RNGTT: variants seen among roughly 807,000 people sequenced by gnomAD.
RNGTT encodes the protein RNA guanylyltransferase and 5'-phosphatase, also known as mRNA-capping enzyme.
Under a neutral mutation model 79.3 loss-of-function variants are expected in RNGTT, and 33 were observed. The ratio of observed to expected loss-of-function variants is 0.42; its 90% CI spans 0.32 to 0.56. RNGTT has a LOEUF of 0.56. Ranked by LOEUF, RNGTT falls within the 20% of genes least tolerant of loss-of-function variation. RNGTT has a pLI of 0.17. For missense variants in RNGTT, 497 were observed against 739.1 expected, an observed-to-expected ratio of 0.67 and a Z score of 3.80; for synonymous variants, 222 against 235.9, an observed-to-expected ratio of 0.94 and a Z score of 0.54.
intron 14 of RNGTT, among the ~76,000 whole-genome samples, chr6:88,646,416 A>T (rs1216344616): frequency 6.6e-6 from 1 of 152,248 alleles, no homozygotes; most frequent in Non-Finnish European, 1.5e-5. Context: ...TAGTTCAACC[A>T]TTGTGGAAGT....
At chr6:88,694,174 G>A (rs1355544877) in intron 13 of RNGTT, among the ~76,000 whole-genome samples, 2 of 152,058 alleles carry the variant, frequency 1.3e-5, no homozygotes, top group African/African-American at 2.4e-5. Context: ...GATACTTGCT[G>A]ATCTTATATG....
At chr6:88,804,412 G>A (rs1419963244) in intron 11 of RNGTT, among the ~76,000 whole-genome samples, 1 of 152,156 alleles carries the variant, frequency 6.6e-6, no homozygotes, top group African/African-American at 2.4e-5. Context: ...GGGAGGCTGA[G>A]GCAGGGGACT....
chr6:88,882,029 C>T (rs1027710143), intron 8 of RNGTT, among the ~76,000 whole-genome samples: 1 of 152,166 alleles, frequency 6.6e-6, no homozygotes, highest in Non-Finnish European at 1.5e-5. Context: ...TACTCTCAGT[C>T]ACCATTGCTT....
At chr6:88,672,807 GT>G (rs1035587341) in intron 14 of RNGTT, among the ~76,000 whole-genome samples, 7 of 152,168 alleles carry the variant, frequency 4.6e-5, no homozygotes, top group African/African-American at 1.7e-4. Flanking sequence ...GAAGTCCCAA[GT>G]TTACACATAT....
chr6:88,665,823 A>G (rs1384020704), intron 14 of RNGTT, among the ~76,000 whole-genome samples: 2 of 152,182 alleles, frequency 1.3e-5, no homozygotes, highest in Non-Finnish European at 2.9e-5. Context: ...TCCTGCTGGG[A>G]CGCCCCATGG....
At chr6:88,855,964 G>A (rs1007183871) in intron 8 of RNGTT, among the ~76,000 whole-genome samples, 2 of 152,284 alleles carry the variant, frequency 1.3e-5, no homozygotes, top group East Asian at 3.9e-4. Flanking sequence ...TGCAAAAATG[G>A]CATGGAAGAC....
intron 14 of RNGTT, among the ~76,000 whole-genome samples, chr6:88,644,517 C>T (rs1487525929): frequency 6.6e-6 from 1 of 152,168 alleles, no homozygotes; most frequent in Non-Finnish European, 1.5e-5. Flanking sequence ...CCAGCATCAT[C>T]CTCATACCAA....
chr6:88,620,155 G>C (rs1772389786), intron 14 of RNGTT, among the ~76,000 whole-genome samples: 1 of 152,198 alleles, frequency 6.6e-6, no homozygotes, highest in Admixed American at 6.5e-5. Context: ...TCTTGCATTT[G>C]CTAGGTTAGA....
rs148585956 is a variant in RNGTT, at chr6:88,721,043, T to C, written c.1440-42624A>G. ...GAACCTCTTTCCCTCTTTGGAAGTT[T>C]CCATTCAATATAGGCATTTTATTGG... On this transcript the variant is annotated intron_variant, in intron 13 of 15. Coordinates refer to ENST00000369485, the MANE Select transcript of RNGTT (RefSeq NM_003800.5). 1.1e-3 allele frequency among the ~76,000 whole-genome samples: 172 copies of C among 152,272 alleles called. 1 individual carries two copies. The highest frequency in any genetic ancestry group is 4.0e-3 in the African/African-American group (167 of 41,588).
chr6:88,691,671 A>G (rs1488899162), intron 13 of RNGTT, among the ~76,000 whole-genome samples: 2 of 152,200 alleles, frequency 1.3e-5, no homozygotes, highest in South Asian at 4.1e-4. Context: ...GTAGTTATTA[A>G]ATGGGTGTTA....
At chr6:88,647,701 T>TAAAAAAAAAAAAAAAAAAA (rs746472579) in intron 14 of RNGTT, among the ~76,000 whole-genome samples, 33 of 100,836 alleles carry the variant, frequency 3.3e-4, no homozygotes, top group South Asian at 2.5e-3. Flanking sequence ...GACACCCTGT[T>TAAAAAAAAAAAAAAAAAAA]AAAAAAAAAA....
chr6:88,678,356 G>A lies in RNGTT; in HGVS notation c.1503C>T (p.Ile501=). The A allele has an allele frequency of 6.3e-7, 1 of 1,578,774 alleles. No homozygotes were observed. Among genetic ancestry groups the A allele is most frequent in the Middle Eastern group, 1.7e-4 (1 of 5,898 alleles). Residue 501 remains isoleucine (I), a synonymous_variant, in exon 14 of 16, where the codon ATC becomes ATT. Coordinates refer to ENST00000369485, the MANE Select transcript of RNGTT (RefSeq NM_003800.5). The stretch of plus-strand genomic sequence containing the variant: ...CACTGAAAATGAACAAACATACCTT[G>A]ATTTGTGCAAAGGGTCTTTCATAAC... The part of the protein sequence containing the change: ...VGGYERPFAQ[I]KVTKELKQYD...
intron 11 of RNGTT, among the ~76,000 whole-genome samples, chr6:88,840,954 G>A (rs1052098223): frequency 1.3e-5 from 2 of 152,130 alleles, no homozygotes; most frequent in Non-Finnish European, 2.9e-5. Flanking sequence ...AATTATGACA[G>A]CACAACCTGT....
chr6:88,865,619 G>T (rs1186354568), intron 8 of RNGTT, among the ~76,000 whole-genome samples: 1 of 152,204 alleles, frequency 6.6e-6, no homozygotes, highest in African/African-American at 2.4e-5. Flanking sequence ...TATAACCAAA[G>T]TAAATTTTGT....
At chr6:88,639,527 C>T (rs1393128669) in intron 14 of RNGTT, among the ~76,000 whole-genome samples, 1 of 152,144 alleles carries the variant, frequency 6.6e-6, no homozygotes, top group Non-Finnish European at 1.5e-5. Flanking sequence ...ACAAATCATA[C>T]ACCACTCCCA....
chr6:88,948,194 C>G (rs1582166505), intron 1 of RNGTT, among the ~76,000 whole-genome samples: 1 of 29,282 alleles, frequency 3.4e-5, no homozygotes, highest in Non-Finnish European at 7.0e-5. Flanking sequence ...GGGGTCAGCC[C>G]CCCCGCCCGG....
chr6:88,827,658 G>C (rs1038258883), intron 11 of RNGTT, among the ~76,000 whole-genome samples: 5 of 152,160 alleles, frequency 3.3e-5, no homozygotes, highest in Admixed American at 2.6e-4. Context: ...ATTCTCACTG[G>C]CAGTACAGCA....
intron 11 of RNGTT, among the ~76,000 whole-genome samples, chr6:88,807,806 A>C (rs1271817287): frequency 6.6e-6 from 1 of 152,156 alleles, no homozygotes; most frequent in Non-Finnish European, 1.5e-5. Flanking sequence ...CCCAGCAAGA[A>C]GGGGGAAAAG....
chr6:88,951,000 A>C (rs1472226537), intron 1 of RNGTT, among the ~76,000 whole-genome samples: 5 of 151,930 alleles, frequency 3.3e-5, no homozygotes, highest in African/African-American at 1.2e-4. Flanking sequence ...CTGGGTTTAC[A>C]GGTGCCTGCC....
Sources: gnomAD v4.1 joint callset for allele counts (sites outside exome capture counted in the v4.1 genomes callset) on GRCh38, gnomAD v4.1.1 for gene constraint, MANE v1.5 for transcripts, NCBI Gene and HGNC (gene_info 2026-07-23, HGNC 2026-07-21) for gene names.